The following SLC9A8 variants were observed in gnomAD, a reference collection of about 807,000 sequenced individuals.
SLC9A8 encodes sodium/hydrogen exchanger 8.
Under a neutral mutation model 66.6 loss-of-function variants are expected in SLC9A8, and 48 were observed. The ratio of observed to expected loss-of-function variants is 0.72; its 90% CI spans 0.57 to 0.92. SLC9A8 has a LOEUF of 0.92. SLC9A8 is among the 40% of genes least tolerant of loss of function. SLC9A8 has a pLI of 0.00. For synonymous variants in SLC9A8, 274 were observed against 282.6 expected (o/e 0.97, Z 0.31); for missense variants, 599 against 747.3 (o/e 0.80, Z 2.31).
chr20:49,869,473 C>G (rs1002694899), intron 10 of SLC9A8, among the ~76,000 whole-genome samples: 4 of 151,536 alleles, frequency 2.6e-5, no homozygotes, highest in Non-Finnish European at 5.9e-5. Context: ...CTGTCCGCCT[C>G]GGCCTCCCAA....
intron 3 of SLC9A8, among the ~76,000 whole-genome samples, chr20:49,828,848 G>A (rs942996664): frequency 2.1e-4 from 31 of 149,778 alleles, no homozygotes; most frequent in Non-Finnish European, 3.9e-4. Context: ...CAAATAAATA[G>A]TAATAATAAT....
At chr20:49,865,180 C>CT (rs1000882647) in intron 10 of SLC9A8, among the ~76,000 whole-genome samples, 15 of 152,258 alleles carry the variant, frequency 9.9e-5, no homozygotes, top group Admixed American at 3.9e-4. Context: ...GATGAGAAAA[C>CT]TGAGGTTGAG....
At chr20:49,878,574 G>T (rs1747225372) in intron 12 of SLC9A8, among the ~76,000 whole-genome samples, 1 of 151,932 alleles carries the variant, frequency 6.6e-6, no homozygotes, top group African/African-American at 2.4e-5. Flanking sequence ...ATTTATATTT[G>T]TCTATTTGTC....
At chr20:49,814,556 G>A (rs187710681) in intron 1 of SLC9A8, among the ~76,000 whole-genome samples, 1 of 152,314 alleles carries the variant, frequency 6.6e-6, no homozygotes, top group East Asian at 1.9e-4. Context: ...ATTTTGTAAA[G>A]TAGGGTAGGG....
intron 3 of SLC9A8, among the ~76,000 whole-genome samples, chr20:49,828,324 C>T (rs187627843): frequency 7.5e-4 from 114 of 151,652 alleles, no homozygotes; most frequent in South Asian, 3.3e-3. Context: ...TCAGGTAATC[C>T]GCCTGCCTCG....
intron 10 of SLC9A8, among the ~76,000 whole-genome samples, chr20:49,868,353 G>A (rs1056100271): frequency 1.3e-5 from 2 of 152,214 alleles, no homozygotes; most frequent in Non-Finnish European, 2.9e-5. Context: ...TGCTCTGTCC[G>A]CACTTTGCCT....
intron 4 of SLC9A8, among the ~76,000 whole-genome samples, chr20:49,844,805 A>AAATAAT (rs918148035): frequency 3.3e-5 from 5 of 150,612 alleles, no homozygotes; most frequent in South Asian, 2.1e-4. Context: ...CTCTGTCTCA[A>AAATAAT]AATAATAATA....
At chr20:49,831,009 A>T (rs1353206420) in intron 3 of SLC9A8, 1 of 743,810 alleles carries the variant, frequency 1.3e-6, no homozygotes, top group Non-Finnish European at 2.5e-6. Flanking sequence ...GCTGCAGCCA[A>T]CCAGGTGTAC....
intron 14 of SLC9A8, among the ~76,000 whole-genome samples, chr20:49,885,933 A>G (rs1427715361): frequency 1.3e-5 from 2 of 152,232 alleles, no homozygotes; most frequent in African/African-American, 4.8e-5. Flanking sequence ...AAGCCCATTC[A>G]GACCTACTGA....
chr20:49,830,879 GA>G (rs2087149829), intron 3 of SLC9A8: 8 of 1,332,058 alleles, frequency 6.0e-6, no homozygotes, highest in Non-Finnish European at 8.6e-6. Context: ...TCCTAGACCA[GA>G]AGTGCCAAAA....
rs1473647586 is a variant in SLC9A8 at position 49,886,236 on chromosome 20, C to T, written c.1492-516C>T. On this transcript the variant is annotated intron_variant, in intron 14 of 15. Transcript: ENST00000361573. The surrounding 1 kb of genome is among the most constrained non-coding windows in gnomAD (Gnocchi z 4.8). The stretch of plus-strand genomic sequence containing the variant: ...GCTCCTACCTATGACCCGAGTCCCG[C>T]CTCTTTACCTCCGTCTCTCCCCTCC... 6.6e-6 allele frequency: 1 copy of T among 152,486 alleles called. No homozygotes were observed. The highest frequency in any genetic ancestry group is 1.5e-5 in the Non-Finnish European group (1 of 68,278). The allele number at this position is 152,486 out of a possible 1,614,324, so 9.4% of individuals were successfully genotyped here.
At chr20:49,859,482 CTTTT>C (rs3092482) in intron 8 of SLC9A8, among the ~76,000 whole-genome samples, 3 of 143,634 alleles carry the variant, frequency 2.1e-5, no homozygotes, top group Non-Finnish European at 1.5e-5. Flanking sequence ...CCCCCTCCAC[CTTTT>C]TTTTTTTTTT....
Position 49,812,935 on chromosome 20 carries a change from A to C in SLC9A8, c.13A>C (p.Met5Leu). The change falls in exon 1 of 16, where the codon ATG becomes CTG. Residue 5 changes from methionine to leucine, a missense_variant. By Grantham distance (15) the Met-to-Leu change is conservative (BLOSUM62 2). Transcript: ENST00000361573. Reference protein sequence around the residue: MGEKMAEEERFPNTT... With the variant: MGEKLAEEERFPNTT... ...GAAGCTCCGCAGGATGGGGGAGAAG[A>C]TGGCGGAAGAGGAGTGAGTGGGCTT... 1 of 1,474,576 alleles carries C rather than the reference A, an allele frequency of 6.8e-7. No individual in the cohort carries two copies. The highest frequency in any genetic ancestry group is 9.0e-7 in the Non-Finnish European group (1 of 1,113,416). 91.3% of individuals were successfully genotyped at this position (1,474,576 alleles called of 1,614,324 possible).
intron 8 of SLC9A8, among the ~76,000 whole-genome samples, chr20:49,861,277 T>TTAGG (rs764731122): frequency 1.3e-4 from 20 of 152,214 alleles, no homozygotes; most frequent in South Asian, 1.2e-3. Flanking sequence ...AAAGGATCAG[T>TTAGG]TAGGGCCTGT....
rs924198038 is a variant in SLC9A8, at chr20:49,812,828, G to A, written c.-95G>A. 1 of 1,421,222 alleles carries A rather than the reference G, an allele frequency of 7.0e-7. No homozygotes were observed. Among genetic ancestry groups the A allele is most frequent in the Non-Finnish European group, 9.3e-7 (1 of 1,069,956 alleles). The allele number at this position is 1,421,222 out of a possible 1,614,324, so 88.0% of individuals were successfully genotyped here. On this transcript the variant is annotated 5_prime_UTR_variant, in exon 1 of 16. Transcript: ENST00000361573. ...TCGCGCGGCCGAGGCCCCGCCTCCC[G>A]CTCGCCCGCCCGCGCCTCCAGCGGA...
At chr20:49,859,185 C>T (rs2088635317) in intron 8 of SLC9A8, among the ~76,000 whole-genome samples, 1 of 152,194 alleles carries the variant, frequency 6.6e-6, no homozygotes, top group Admixed American at 6.5e-5. Context: ...GAATCAGCCT[C>T]ACAAACTCTC....
intron 12 of SLC9A8, among the ~76,000 whole-genome samples, chr20:49,878,527 T>C (rs2089513947): frequency 6.6e-6 from 1 of 152,268 alleles, no homozygotes; most frequent in African/African-American, 2.4e-5. Flanking sequence ...GATAATTTAT[T>C]ATGTACTTCT....
rs1390505581 is a variant in SLC9A8, at chr20:49,891,808, A to G, written c.*3872A>G. The G allele has an allele frequency of 1.3e-5, 2 of 152,242 alleles. No individual in the cohort carries two copies. The highest frequency in any genetic ancestry group is 2.4e-5 in the African/African-American group (1 of 41,464). The allele number at this position is 152,242 out of a possible 1,614,324, so 9.4% of individuals were successfully genotyped here. On this transcript the variant is annotated 3_prime_UTR_variant, in exon 16 of 16. Transcript: ENST00000361573. ...GCATGGTGGGCATGGCCTGGCTTACACCAAAGGCTTTGACGGTTTCTCCAA... is the reference window on the plus strand; with the variant it reads ...GCATGGTGGGCATGGCCTGGCTTACGCCAAAGGCTTTGACGGTTTCTCCAA...
At chr20:49,854,850 C>T (rs2146635182) in intron 7 of SLC9A8, among the ~76,000 whole-genome samples, 1 of 152,290 alleles carries the variant, frequency 6.6e-6, no homozygotes, top group African/African-American at 2.4e-5. Flanking sequence ...AGACAATCAG[C>T]ACATATCTGC....
Sources: gnomAD v4.1 joint callset for allele counts (sites outside exome capture counted in the v4.1 genomes callset) on GRCh38, gnomAD v4.1.1 for gene constraint, Gnocchi (gnomAD v3.1) non-coding constraint, MANE v1.5 for transcripts, NCBI Gene and HGNC (gene_info 2026-07-23, HGNC 2026-07-21) for gene names.